Variants in CHRM3 observed in about 807,000 individuals in gnomAD.
CHRM3 encodes the protein muscarinic acetylcholine receptor M3.
Under a neutral mutation model 41.8 loss-of-function variants are expected in CHRM3, and 11 were observed. That is an observed-to-expected ratio of 0.26 (90% CI 0.17 to 0.44). The LOEUF (loss-of-function observed/expected upper bound fraction) is 0.44, where lower values mean the gene tolerates loss of function less well. Ranked by LOEUF, CHRM3 falls within the 20% of genes least tolerant of loss-of-function variation. The probability of loss-of-function intolerance (pLI) is 1.00; values close to 1 mark genes in which losing one functional copy is unlikely to be tolerated. For missense variants in CHRM3, 571 were observed against 745.4 expected (o/e 0.77, Z 2.72); for synonymous variants, 297 against 301.4 (o/e 0.99, Z 0.15).
intron 3 of CHRM3, among the ~76,000 whole-genome samples, chr1:239,599,627 T>G (rs899312947): frequency 6.6e-6 from 1 of 152,094 alleles, no homozygotes; most frequent in African/African-American, 2.4e-5. Flanking sequence ...GAAAAACCCA[T>G]TGTACAAGGA....
chr1:239,421,696 C>G (rs1661965043), intron 1 of CHRM3, among the ~76,000 whole-genome samples: 1 of 152,132 alleles, frequency 6.6e-6, no homozygotes, highest in Non-Finnish European at 1.5e-5. Context: ...GTGTTCTTAA[C>G]CTTTTACTCA....
At chr1:239,843,416 TTCTC>T (rs1056205319) in intron 6 of CHRM3, among the ~76,000 whole-genome samples, 1 of 151,052 alleles carries the variant, frequency 6.6e-6, no homozygotes, top group Non-Finnish European at 1.5e-5. Flanking sequence ...CTCAGTTGCA[TTCTC>T]TCTCTCTTTT....
At chr1:239,428,262 C>A (rs1024694380) in intron 1 of CHRM3, among the ~76,000 whole-genome samples, 1 of 152,158 alleles carries the variant, frequency 6.6e-6, no homozygotes, top group African/African-American at 2.4e-5. Flanking sequence ...GTAGCAGATG[C>A]AAGAGCAAGA....
intron 3 of CHRM3, among the ~76,000 whole-genome samples, chr1:239,602,110 G>GTGTGTATATA (rs1307023039): frequency 8.9e-5 from 10 of 112,844 alleles, no homozygotes; most frequent in African/African-American, 2.7e-4. Context: ...GTGTGTGTGT[G>GTGTGTATATA]TATATATATA....
intron 6 of CHRM3, among the ~76,000 whole-genome samples, chr1:239,829,466 T>C (rs755064032): frequency 2.6e-5 from 4 of 152,190 alleles, no homozygotes; most frequent in African/African-American, 7.2e-5. Context: ...TTGGTTTCCA[T>C]TGAGATCAAG....
Position 239,721,765 on chromosome 1 carries a change from C to A in CHRM3, c.-147+43477C>A, listed in dbSNP as rs12024081. Among the ~76,000 whole-genome samples, 5 of 151,962 alleles carry A rather than the reference C, an allele frequency of 3.3e-5. No individual in the cohort carries two copies. The East Asian group carries it at 9.7e-4, about 30-fold the overall frequency. On this transcript the variant is annotated intron_variant, in intron 5 of 6. Transcript: ENST00000676153. ...ACAAAAGAAGTCTTTACTATATAAT[C>A]TGATTCAGATTATATGCACTCGTGT...
At chr1:239,594,168 T>G (rs1012773017) in intron 3 of CHRM3, among the ~76,000 whole-genome samples, 6 of 152,236 alleles carry the variant, frequency 3.9e-5, no homozygotes, top group Non-Finnish European at 7.3e-5. Flanking sequence ...AGTGAAGTAC[T>G]TCATATTGAC....
intron 5 of CHRM3, among the ~76,000 whole-genome samples, chr1:239,740,641 C>G (rs983969217): frequency 6.6e-6 from 1 of 151,978 alleles, no homozygotes; most frequent in Non-Finnish European, 1.5e-5. Context: ...CCTGACAGGC[C>G]CAAGTGTGTG....
At chr1:239,458,113 G>T (rs778470196) in intron 1 of CHRM3, among the ~76,000 whole-genome samples, 1 of 152,044 alleles carries the variant, frequency 6.6e-6, no homozygotes, top group African/African-American at 2.4e-5. Flanking sequence ...CTTGGGAAAA[G>T]AAAGGAAAAG....
At chr1:239,473,296 A>T (rs1181801343) in intron 1 of CHRM3, among the ~76,000 whole-genome samples, 2 of 151,906 alleles carry the variant, frequency 1.3e-5, no homozygotes, top group African/African-American at 4.8e-5. Flanking sequence ...TTGCGAAAGT[A>T]AAAAGCAAGT....
intron 6 of CHRM3, among the ~76,000 whole-genome samples, chr1:239,884,970 C>T (rs934798896): frequency 6.6e-6 from 1 of 152,142 alleles, no homozygotes; most frequent in Non-Finnish European, 1.5e-5. Context: ...CTGGCCTTGA[C>T]TCCCTTCTCA....
At chr1:239,863,693 T>C (rs1034088604) in intron 6 of CHRM3, among the ~76,000 whole-genome samples, 217 of 151,550 alleles carry the variant, frequency 1.4e-3, no homozygotes, top group African/African-American at 4.9e-3. Flanking sequence ...TTGCTCCAGG[T>C]GCAGAAAAAG....
chr1:239,884,676 T>C (rs1677921022), intron 6 of CHRM3, among the ~76,000 whole-genome samples: 1 of 152,180 alleles, frequency 6.6e-6, no homozygotes, highest in African/African-American at 2.4e-5. Flanking sequence ...GCCACAGACA[T>C]CTTGAAATTT....
At chr1:239,589,653 T>C (rs1444402843) in intron 3 of CHRM3, among the ~76,000 whole-genome samples, 1 of 145,060 alleles carries the variant, frequency 6.9e-6, no homozygotes, top group Non-Finnish European at 1.5e-5. Context: ...TATATATATA[T>C]ATATATATAT....
At chr1:239,663,601 A>C (rs1344003146) in intron 4 of CHRM3, among the ~76,000 whole-genome samples, 1 of 152,218 alleles carries the variant, frequency 6.6e-6, no homozygotes, top group Non-Finnish European at 1.5e-5. Context: ...CTAAAACTGA[A>C]GCTTTATATA....
chr1:239,634,607 G>C (rs1237887419), intron 4 of CHRM3, among the ~76,000 whole-genome samples: 1 of 150,828 alleles, frequency 6.6e-6, no homozygotes. Flanking sequence ...CCAAAACTCA[G>C]CTTTTACCCA....
chr1:239,676,755 G>A (rs1391931543), intron 4 of CHRM3, among the ~76,000 whole-genome samples: 1 of 152,178 alleles, frequency 6.6e-6, no homozygotes. Context: ...TGCCCAACCT[G>A]TAGGGAGATT....
At chr1:239,520,642 G>T (rs1167792873) in intron 2 of CHRM3, among the ~76,000 whole-genome samples, 4 of 152,126 alleles carry the variant, frequency 2.6e-5, no homozygotes, top group Non-Finnish European at 5.9e-5. Context: ...GTCTCAGGTA[G>T]TTCTTTATTG....
At position 239,487,793 on chromosome 1, in the gene CHRM3, GA is replaced by G. The variant is rs141439222; in HGVS notation, c.-520-4909del. The stretch of plus-strand genomic sequence containing the variant: ...GGGAAAAATTGTATTGCTTTTTATA[GA>G]AAAAAAGCTGTGCTACTACAAATAC... On this transcript the variant is annotated intron_variant, in intron 1 of 6. Coordinates refer to ENST00000676153, the MANE Select transcript of CHRM3 (RefSeq NM_001375978.1). Among the ~76,000 whole-genome samples the G allele has an allele frequency of 8.7e-3, 1,149 of 131,340 alleles. 14 individuals are homozygous for G. The highest frequency in any genetic ancestry group is 0.03 in the African/African-American group (1,092 of 36,076). 86.2% of individuals were successfully genotyped at this position (131,340 alleles called of 152,430 possible).
Sources: gnomAD v4.1 joint callset for allele counts (sites outside exome capture counted in the v4.1 genomes callset) on GRCh38, gnomAD v4.1.1 for gene constraint, MANE v1.5 for transcripts, NCBI Gene and HGNC (gene_info 2026-07-23, HGNC 2026-07-21) for gene names.